Variants in TLE3 observed in about 807,000 individuals in gnomAD.
TLE3 encodes TLE family member 3, transcriptional corepressor, also known as transducin-like enhancer protein 3.
Under a neutral mutation model 93.0 loss-of-function variants are expected in TLE3, and 14 were observed. That is an observed-to-expected ratio of 0.15 (90% confidence interval 0.10 to 0.24). TLE3 has a LOEUF of 0.24. Among genes scored for constraint, TLE3 ranks in the 10% least tolerant of loss-of-function variants. The pLI, the probability that TLE3 is intolerant of heterozygous loss-of-function variation, is 1.00. For missense variants in TLE3, 693 were observed against 1,046.6 expected, an observed-to-expected ratio of 0.66 and a Z score of 4.66; for synonymous variants, 451 against 425.0, an observed-to-expected ratio of 1.06 and a Z score of -0.75.
rs535149803 is a variant in TLE3, at chr15:70,096,705, G to A, written c.24+70C>T. ...AAAGGTAGCAACAAGCAAAATGGAG[G>A]TGCCAGATAAACTGCCTCGTTTACC... On this transcript the variant is annotated intron_variant, in intron 1 of 19. Coordinates refer to ENST00000451782, the MANE Select transcript of TLE3 (RefSeq NM_001105192.3). 79 of 1,591,850 alleles carry A rather than the reference G, an allele frequency of 5.0e-5. No homozygotes were observed. The African/African-American group carries it at 8.2e-4, about 16-fold the overall frequency.
At chr15:70,066,418 CTGTAA>C (rs1201271102) in intron 6 of TLE3, among the ~76,000 whole-genome samples, 200 bp from the exon 7 acceptor site, 2 of 152,150 alleles carry the variant, frequency 1.3e-5, no homozygotes, top group African/African-American at 4.8e-5. Context: ...TGTTAATAGA[CTGTAA>C]TGTAAAGATT....
chr15:70,054,297 C>T, intron 16 of TLE3, 141 bp downstream of exon 16: 2 of 1,256,024 alleles, frequency 1.6e-6, no homozygotes, highest in Non-Finnish European at 2.2e-6. Flanking sequence ...GCTGTCTTTT[C>T]ACCTGTGCAT....
intron 4 of TLE3, among the ~76,000 whole-genome samples, chr15:70,080,246 C>A (rs2057701260): frequency 6.6e-6 from 1 of 152,174 alleles, no homozygotes; most frequent in South Asian, 2.1e-4. Context: ...TCCCACAAAG[C>A]CACTGCTTTT....
chr15:70,095,175 A>G (rs1464892733), intron 3 of TLE3, among the ~76,000 whole-genome samples: 3 of 152,222 alleles, frequency 2.0e-5, no homozygotes, highest in Admixed American at 1.3e-4. Context: ...GCAAAGCAGA[A>G]AAGTTTCCAA....
chr15:70,097,647 T>A lies in TLE3; in HGVS notation c.-849A>T. On this transcript the variant is annotated 5_prime_UTR_variant, in exon 1 of 20. Transcript: ENST00000451782. ...GCTCAGCGCCACCGCCGCTGCCGCGTCGGAGCGCACAGGCAGGAGAGCGCT... is the reference window on the plus strand; with the variant it reads ...GCTCAGCGCCACCGCCGCTGCCGCGACGGAGCGCACAGGCAGGAGAGCGCT... 1 of 397,944 alleles carries A rather than the reference T, an allele frequency of 2.5e-6. No individual in the cohort carries two copies. The allele number at this position is 397,944 out of a possible 1,614,324, so 24.7% of individuals were successfully genotyped here.
intron 3 of TLE3, chr15:70,094,893 A>T (rs2058475817): frequency 3.4e-6 from 1 of 298,214 alleles, no homozygotes. Flanking sequence ...GTACACTGGG[A>T]CCCTCTTGTC....
intron 4 of TLE3, among the ~76,000 whole-genome samples, chr15:70,078,948 G>A (rs1187204547): frequency 6.6e-6 from 1 of 152,168 alleles, no homozygotes; most frequent in East Asian, 1.9e-4. Context: ...AAAAAGAAAC[G>A]TAGCTGACCT....
chr15:70,086,252 C>G (rs1394420038), intron 4 of TLE3, among the ~76,000 whole-genome samples: 2 of 152,186 alleles, frequency 1.3e-5, no homozygotes, highest in African/African-American at 4.8e-5. Context: ...CTAGTCTGCA[C>G]TGAACTGCCT....
chr15:70,079,386 G>C, intron 4 of TLE3: 1 of 485,114 alleles, frequency 2.1e-6, no homozygotes, highest in South Asian at 1.5e-5. Flanking sequence ...AGAGGGGAGG[G>C]GCTGGGCTTA....
intron 4 of TLE3, among the ~76,000 whole-genome samples, chr15:70,089,032 G>A (rs1035072381): frequency 1.3e-5 from 2 of 152,158 alleles, no homozygotes; most frequent in South Asian, 2.1e-4. Context: ...TCACCACCTC[G>A]CCTCACTTCC....
At chr15:70,095,478 G>A in intron 3 of TLE3, 100 bp downstream of exon 3, 1 of 1,546,186 alleles carries the variant, frequency 6.5e-7, no homozygotes, top group Non-Finnish European at 8.7e-7. Context: ...CTGCGGCTGG[G>A]CGGTGGTGGG....
In TLE3 at chr15:70,058,481, G is replaced by A. The variant is rs531205653; in HGVS notation, c.918+182C>T. On this transcript the variant is annotated intron_variant, in intron 11 of 19. Coordinates refer to ENST00000451782, the MANE Select transcript of TLE3 (RefSeq NM_001105192.3). The surrounding 1 kb of genome is among the most constrained non-coding windows in gnomAD (Gnocchi z 4.1). ...GGGTGATCACTCCCATTTTACAGAC[G>A]TAGCAACCGAGGCTCAGAAACGTTA... 1.0e-5 allele frequency: 13 copies of A among 1,281,956 alleles called. No homozygotes were observed. The highest frequency in any genetic ancestry group is 9.1e-5 in the South Asian group (6 of 66,128). 79.4% of individuals were successfully genotyped at this position (1,281,956 alleles called of 1,614,324 possible). A position where few individuals can be genotyped will look rare whatever the true frequency, so the allele number is the denominator to read the frequency against.
Position 70,048,114 on chromosome 15 carries a change from C to T in TLE3, c.*1983G>A, listed in dbSNP as rs1310559243. 7.3e-6 allele frequency: 1 copy of T among 137,258 alleles called. No individual in the cohort carries two copies. The highest frequency in any genetic ancestry group is 2.9e-5 in the African/African-American group (1 of 34,954). 8.5% of individuals were successfully genotyped at this position (137,258 alleles called of 1,614,324 possible). A position where few individuals can be genotyped will look rare whatever the true frequency, so the allele number is the denominator to read the frequency against. On this transcript the variant is annotated 3_prime_UTR_variant, in exon 20 of 20. Transcript: ENST00000451782. ...CCCTGGCCCAGGCTCCAGAATGTGA[C>T]AGCAACAGTGGCCTGGCTGTTTTCC...
At chr15:70,051,204 T>A in intron 19 of TLE3, 187 bp downstream of exon 19, 1 of 520,952 alleles carries the variant, frequency 1.9e-6, no homozygotes, top group Non-Finnish European at 3.4e-6. Context: ...CCTGCTGAAG[T>A]CCCCAGGTCC....
intron 14 of TLE3, 94 bp downstream of exon 14, chr15:70,056,204 T>TG: frequency 7.4e-7 from 1 of 1,357,726 alleles, no homozygotes; most frequent in Non-Finnish European, 1.0e-6. Flanking sequence ...GGCAAACCCT[T>TG]GGTCAGGGGA....
At position 70,064,387 on chromosome 15, in the gene TLE3, G is replaced by A. The variant is rs2056683652; in HGVS notation, c.594+67C>T. On this transcript the variant is annotated intron_variant, in intron 8 of 19. Transcript: ENST00000451782. ...ACTGGTCTCAGGCCCGCGATTCTGG[G>A]AGCCCCGAGTCCCACCTCCTCCCAG... 5.6e-6 allele frequency: 9 copies of A among 1,599,458 alleles called. No homozygotes were observed. The East Asian group carries it at 9.0e-5, about 16-fold the overall frequency.
intron 4 of TLE3, among the ~76,000 whole-genome samples, chr15:70,088,579 C>T (rs2058144774): frequency 1.3e-5 from 2 of 152,210 alleles, no homozygotes; most frequent in East Asian, 3.8e-4. Context: ...ACGCAGTTCT[C>T]ACTCTGGTAC....
In TLE3 at chr15:70,053,267, C is replaced by T. The variant is rs752123558; in HGVS notation, c.1934G>A (p.Arg645Gln). The part of the protein sequence containing the change: ...LDNTVRSWDL[R>Q]EGRQLQQHDF... ...ATGCTGCTGTAGCTGTCGGCCCTCC[C>T]GCAGGTCCCAGGAGCGCACCGTGTT... The change falls in exon 17 of 20, where the codon CGG becomes CAG. Residue 645 changes from arginine (R) to glutamine (Q), a missense_variant. Coordinates refer to ENST00000451782, the MANE Select transcript of TLE3 (RefSeq NM_001105192.3). 11 of 1,608,816 alleles carry T rather than the reference C, an allele frequency of 6.8e-6. No individual in the cohort carries two copies. In the Admixed American group the frequency reaches 8.4e-5, roughly 12 times the overall value.
chr15:70,067,241 CA>C (rs2056871660), intron 6 of TLE3, among the ~76,000 whole-genome samples: 1 of 152,208 alleles, frequency 6.6e-6, no homozygotes, highest in Admixed American at 6.5e-5. Context: ...TCGCCCCACC[CA>C]ACTTCTTCTC....
Sources: gnomAD v4.1 joint callset for allele counts (sites outside exome capture counted in the v4.1 genomes callset) on GRCh38, gnomAD v4.1.1 for gene constraint, Gnocchi (gnomAD v3.1) non-coding constraint, MANE v1.5 for transcripts, NCBI Gene and HGNC (gene_info 2026-07-23, HGNC 2026-07-21) for gene names.